CCDC102B: variants seen among roughly 807,000 people sequenced by gnomAD.
CCDC102B encodes the protein coiled-coil domain containing 102B.
In CCDC102B, 75 loss-of-function variants were observed where a neutral mutation model predicts 57.4. The observed-to-expected ratio is 1.31, with a 90% CI of 1.08 to 1.58. CCDC102B has a LOEUF of 1.58. CCDC102B is among the 40% of genes most tolerant of loss of function. The probability of loss-of-function intolerance (pLI) is 0.00; values close to 1 mark genes in which losing one functional copy is unlikely to be tolerated. For missense variants in CCDC102B, 636 were observed against 582.6 expected (o/e 1.09, Z -0.94); for synonymous variants, 206 against 201.9 (o/e 1.02, Z -0.17).
chr18:68,927,568 A>G (rs1174122397), intron 6 of CCDC102B, among the ~76,000 whole-genome samples: 1 of 152,002 alleles, frequency 6.6e-6, no homozygotes, highest in African/African-American at 2.4e-5. Context: ...ATTCCTAGAA[A>G]TGACATTGAT....
At chr18:68,848,449 G>A (rs1287701516) in intron 4 of CCDC102B, among the ~76,000 whole-genome samples, 4 of 151,946 alleles carry the variant, frequency 2.6e-5, no homozygotes, top group Non-Finnish European at 5.9e-5. Context: ...GTTAAAGTTG[G>A]AAACAGATGT....
At chr18:69,023,586 C>T (rs1017287292) in intron 7 of CCDC102B, among the ~76,000 whole-genome samples, 18 of 151,700 alleles carry the variant, frequency 1.2e-4, no homozygotes, top group African/African-American at 3.9e-4. Flanking sequence ...ATGTTCTTAT[C>T]ACAGTTAAGC....
At chr18:68,924,566 A>G (rs2041411558) in intron 6 of CCDC102B, among the ~76,000 whole-genome samples, 1 of 152,100 alleles carries the variant, frequency 6.6e-6, no homozygotes, top group South Asian at 2.1e-4. Context: ...AAATGGACTA[A>G]TAAACACCCA....
intron 7 of CCDC102B, among the ~76,000 whole-genome samples, 180 bp from the exon 8 acceptor site, chr18:69,053,850 G>C (rs2052766856): frequency 2.0e-5 from 3 of 151,720 alleles, no homozygotes; most frequent in African/African-American, 7.3e-5. Context: ...TTGTAGACTA[G>C]CTAATCAAGC....
chr18:68,916,895 G>A (rs962743558), intron 6 of CCDC102B, among the ~76,000 whole-genome samples: 2 of 152,204 alleles, frequency 1.3e-5, no homozygotes, highest in African/African-American at 2.4e-5. Flanking sequence ...GAGGGCCCAA[G>A]GTCTGGACAG....
At chr18:68,789,614 G>A (rs2035352040) in intron 2 of CCDC102B, among the ~76,000 whole-genome samples, 1 of 148,616 alleles carries the variant, frequency 6.7e-6, no homozygotes, top group South Asian at 2.2e-4. Context: ...TCTTCCAGTT[G>A]ATCGCATTGG....
intron 2 of CCDC102B, among the ~76,000 whole-genome samples, chr18:68,746,701 C>T (rs973273984): frequency 3.3e-5 from 5 of 151,616 alleles, no homozygotes; most frequent in African/African-American, 1.2e-4. Context: ...CTTTTCGTCC[C>T]ACGGATTCCA....
chr18:69,019,073 A>G (rs1467343043), intron 7 of CCDC102B, among the ~76,000 whole-genome samples: 2 of 151,984 alleles, frequency 1.3e-5, no homozygotes. Context: ...CTGGTTCTCT[A>G]TTCCATTCAT....
At chr18:68,786,324 C>T (rs1198671384) in intron 2 of CCDC102B, among the ~76,000 whole-genome samples, 1 of 147,768 alleles carries the variant, frequency 6.8e-6, no homozygotes, top group African/African-American at 2.5e-5. Context: ...TTTTTTGGTT[C>T]CATATGAACT....
chr18:68,759,376 G>T (rs1038714516), intron 2 of CCDC102B, among the ~76,000 whole-genome samples: 1 of 152,188 alleles, frequency 6.6e-6, no homozygotes, highest in East Asian at 1.9e-4. Flanking sequence ...TTAGCTCAAA[G>T]AATAGACATA....
chr18:68,857,311 T>TA (rs1369142799), intron 4 of CCDC102B, among the ~76,000 whole-genome samples: 738 of 4,704 alleles, frequency 0.16, 121 homozygotes, highest in African/African-American at 0.24. Flanking sequence ...ATAATATATA[T>TA]TTATATATTA....
intron 6 of CCDC102B, among the ~76,000 whole-genome samples, chr18:68,970,735 A>G (rs890269189): frequency 1.3e-5 from 2 of 152,064 alleles, no homozygotes; most frequent in African/African-American, 2.4e-5. Flanking sequence ...TGCTTTATCA[A>G]TCCTTTTCAA....
At chr18:68,922,529 C>T (rs2041317431) in intron 6 of CCDC102B, among the ~76,000 whole-genome samples, 1 of 152,102 alleles carries the variant, frequency 6.6e-6, no homozygotes, top group South Asian at 2.1e-4. Context: ...CAAGGTTGTC[C>T]AGTCTGTGCG....
intron 6 of CCDC102B, among the ~76,000 whole-genome samples, chr18:68,968,864 G>A (rs2050227569): frequency 6.6e-6 from 1 of 151,998 alleles, no homozygotes; most frequent in Non-Finnish European, 1.5e-5. Context: ...CTCCCTAATA[G>A]TAGGATTTCT....
chr18:68,955,110 A>G (rs751006932), intron 6 of CCDC102B, among the ~76,000 whole-genome samples: 1 of 152,184 alleles, frequency 6.6e-6, no homozygotes, highest in Non-Finnish European at 1.5e-5. Context: ...AAACATGATC[A>G]ATTATTATTG....
intron 1 of CCDC102B, among the ~76,000 whole-genome samples, chr18:68,799,902 A>C (rs781242525): frequency 6.6e-6 from 1 of 152,158 alleles, no homozygotes; most frequent in African/African-American, 2.4e-5. Flanking sequence ...TTAACATTGC[A>C]CACAGAAAAA....
At chr18:68,885,813 A>G (rs2039863817) in intron 5 of CCDC102B, among the ~76,000 whole-genome samples, 1 of 152,020 alleles carries the variant, frequency 6.6e-6, no homozygotes, top group Non-Finnish European at 1.5e-5. Context: ...TTCCAGGATT[A>G]TGATGAAAGT....
chr18:68,741,947 A>G (rs1251172956), intron 2 of CCDC102B, among the ~76,000 whole-genome samples: 1 of 152,156 alleles, frequency 6.6e-6, no homozygotes, highest in Non-Finnish European at 1.5e-5. Context: ...TTTCCCAGGT[A>G]CAGAGTAGGA....
At chr18:68,869,631 A>G (rs1178137886) in intron 4 of CCDC102B, among the ~76,000 whole-genome samples, 1 of 152,216 alleles carries the variant, frequency 6.6e-6, no homozygotes, top group East Asian at 1.9e-4. Context: ...GAAGTTTGTC[A>G]GATGGATAGA....
Sources: gnomAD v4.1 joint callset for allele counts (sites outside exome capture counted in the v4.1 genomes callset) on GRCh38, gnomAD v4.1.1 for gene constraint, MANE v1.5 for transcripts, NCBI Gene and HGNC (gene_info 2026-07-23, HGNC 2026-07-21) for gene names.